The following DPP10 variants were observed in gnomAD, a reference collection of about 807,000 sequenced individuals.
DPP10 encodes the protein dipeptidyl peptidase like 10.
A neutral mutation model predicts 120.9 loss-of-function variants in DPP10; 33 were observed. That is an observed-to-expected ratio of 0.27 (90% CI 0.21 to 0.37). The LOEUF is 0.37. Among genes scored for constraint, DPP10 ranks in the 10% least tolerant of loss-of-function variants. The probability of loss-of-function intolerance (pLI) is 1.00; values close to 1 mark genes in which losing one functional copy is unlikely to be tolerated. For missense variants in DPP10, 816 were observed against 942.8 expected, an observed-to-expected ratio of 0.87 and a Z score of 1.76; for synonymous variants, 337 against 326.1, an observed-to-expected ratio of 1.03 and a Z score of -0.36.
At chr2:115,747,611 T>C (rs1678151300) in intron 10 of DPP10, among the ~76,000 whole-genome samples, 1 of 150,930 alleles carries the variant, frequency 6.6e-6, no homozygotes, top group East Asian at 2.0e-4. Flanking sequence ...TTTTTTTTCT[T>C]GAGATGGAGT....
At chr2:115,475,946 GT>G (rs2075049774) in intron 3 of DPP10, among the ~76,000 whole-genome samples, 1 of 152,118 alleles carries the variant, frequency 6.6e-6, no homozygotes, top group Non-Finnish European at 1.5e-5. Context: ...TAACTAACTT[GT>G]TTTTGATTTT....
chr2:115,113,924 G>C (rs2049364016), intron 1 of DPP10, among the ~76,000 whole-genome samples: 1 of 152,094 alleles, frequency 6.6e-6, no homozygotes, highest in African/African-American at 2.4e-5. Context: ...TATCCAAACT[G>C]AAACAGAGTC....
chr2:115,388,979 G>A (rs2067142486), intron 3 of DPP10, among the ~76,000 whole-genome samples: 2 of 152,104 alleles, frequency 1.3e-5, no homozygotes, highest in East Asian at 1.9e-4. Flanking sequence ...CACAGCAAAA[G>A]TAATAAAACA....
intron 1 of DPP10, among the ~76,000 whole-genome samples, chr2:114,843,233 G>T (rs75691826): frequency 0.011 from 1,732 of 152,122 alleles, 21 homozygotes; most frequent in Admixed American, 0.021. Context: ...CTTGGCCAAA[G>T]CAAGCACAAA....
chr2:114,707,072 C>T (rs1558657091), intron 1 of DPP10: 1 of 152,146 alleles, frequency 6.6e-6, no homozygotes, highest in Admixed American at 6.6e-5. Flanking sequence ...AGATGTGGGG[C>T]TGACCGTCAC....
chr2:114,609,381 A>G (rs1334693563), intron 1 of DPP10, among the ~76,000 whole-genome samples: 4 of 152,108 alleles, frequency 2.6e-5, no homozygotes, highest in Non-Finnish European at 5.9e-5. Context: ...GTGACAGTCA[A>G]TTCATTTGCA....
intron 5 of DPP10, among the ~76,000 whole-genome samples, chr2:115,622,510 C>CTTTTTTTTTTTTTTTTTTTTTTTTTTTG (rs70941082): frequency 8.5e-6 from 1 of 117,448 alleles, no homozygotes. Context: ...ATTTTATTGT[C>CTTTTTTTTTTTTTTTTTTTTTTTTTTTG]TTTTTTTTTT....
intron 5 of DPP10, among the ~76,000 whole-genome samples, chr2:115,604,674 C>G (rs956835327): frequency 7.0e-6 from 1 of 143,048 alleles, no homozygotes; most frequent in African/African-American, 2.6e-5. Flanking sequence ...ATTTCACAAC[C>G]CTACATCTGC....
intron 1 of DPP10, among the ~76,000 whole-genome samples, chr2:114,489,410 C>T (rs910496832): frequency 6.6e-6 from 1 of 152,172 alleles, no homozygotes; most frequent in Non-Finnish European, 1.5e-5. Flanking sequence ...GCTGCATTTG[C>T]TGTAGCCAGG....
intron 1 of DPP10, among the ~76,000 whole-genome samples, chr2:114,932,922 G>A (rs1471604963): frequency 6.6e-6 from 1 of 152,096 alleles, no homozygotes; most frequent in Non-Finnish European, 1.5e-5. Flanking sequence ...CTAACCCGGG[G>A]CAATCATTTG....
At chr2:114,716,056 T>C (rs1453766013) in intron 1 of DPP10, among the ~76,000 whole-genome samples, 3 of 151,094 alleles carry the variant, frequency 2.0e-5, no homozygotes, top group African/African-American at 4.9e-5. Flanking sequence ...TGTCTTTTTT[T>C]TAAAAAAAAA....
chr2:115,311,217 C>G (rs559889710), intron 2 of DPP10, among the ~76,000 whole-genome samples: 3 of 152,188 alleles, frequency 2.0e-5, no homozygotes, highest in South Asian at 2.1e-4. Flanking sequence ...TTAACCTTCT[C>G]TCTCACTTTA....
intron 7 of DPP10, among the ~76,000 whole-genome samples, chr2:115,727,232 C>A (rs557253743): frequency 2.6e-5 from 4 of 151,822 alleles, no homozygotes; most frequent in African/African-American, 9.6e-5. Flanking sequence ...TATTGCCGTA[C>A]TATTTACAAA....
intron 5 of DPP10, among the ~76,000 whole-genome samples, chr2:115,640,001 G>A (rs137873389): frequency 1.3e-5 from 2 of 150,736 alleles, no homozygotes; most frequent in East Asian, 2.0e-4. Context: ...TCAGGCTGGA[G>A]ATGGCAAATA....
At chr2:115,066,070 G>T (rs2105421025) in intron 1 of DPP10, among the ~76,000 whole-genome samples, 1 of 152,264 alleles carries the variant, frequency 6.6e-6, no homozygotes, top group Non-Finnish European at 1.5e-5. Context: ...TAAATTGTGT[G>T]ACTTGACAAG....
intron 5 of DPP10, among the ~76,000 whole-genome samples, chr2:115,528,138 G>T (rs907171595): frequency 2.0e-5 from 3 of 151,902 alleles, no homozygotes; most frequent in Non-Finnish European, 4.4e-5. Flanking sequence ...CTGAGGAATT[G>T]CCACACTGTC....
chr2:114,516,435 A>C (rs11685175), intron 1 of DPP10, among the ~76,000 whole-genome samples: 23,957 of 152,062 alleles, frequency 0.16, 2,028 homozygotes, highest in Middle Eastern at 0.27. Flanking sequence ...TGTTTTAGCT[A>C]CTTCTGCAGC....
At chr2:115,084,453 A>G (rs1708529233) in intron 1 of DPP10, among the ~76,000 whole-genome samples, 1 of 152,202 alleles carries the variant, frequency 6.6e-6, no homozygotes, top group Non-Finnish European at 1.5e-5. Context: ...ACTTTTGTGG[A>G]CATGTGTCAT....
intron 1 of DPP10, among the ~76,000 whole-genome samples, chr2:114,810,949 A>T (rs1189074909): frequency 6.6e-6 from 1 of 152,232 alleles, no homozygotes; most frequent in East Asian, 1.9e-4. Context: ...GCACCATGTT[A>T]AAAATAGAAT....
Sources: allele counts gnomAD v4.1 joint callset (sites outside exome capture counted in the v4.1 genomes callset), GRCh38; gene constraint gnomAD v4.1.1; transcripts MANE v1.5; gene names NCBI Gene and HGNC (gene_info 2026-07-23, HGNC 2026-07-21).